The following LRP1B variants were observed in gnomAD, a reference collection of about 807,000 sequenced individuals.
LRP1B encodes the protein LDL receptor related protein 1B.
LRP1B carries 217 observed loss-of-function variants against 556.6 expected under a neutral mutation model. That is an observed-to-expected ratio of 0.39 (90% CI 0.35 to 0.44). The LOEUF (loss-of-function observed/expected upper bound fraction) is 0.44, where lower values mean the gene tolerates loss of function less well. Ranked by LOEUF, LRP1B falls within the 20% of genes least tolerant of loss-of-function variation. The pLI, the probability that LRP1B is intolerant of heterozygous loss-of-function variation, is 1.00. For synonymous variants in LRP1B, 2,047 were observed against 1,865.8 expected, an observed-to-expected ratio of 1.10 and a Z score of -2.50; for missense variants, 5,053 against 5,620.8, an observed-to-expected ratio of 0.90 and a Z score of 3.23.
intron 1 of LRP1B, among the ~76,000 whole-genome samples, chr2:141,815,171 T>C (rs1696493280): frequency 6.6e-6 from 1 of 151,998 alleles, no homozygotes; most frequent in South Asian, 2.1e-4. Flanking sequence ...GAATAAGAAC[T>C]GAAACAATAG....
intron 3 of LRP1B, among the ~76,000 whole-genome samples, chr2:141,442,673 C>A (rs137985802): frequency 6.6e-6 from 1 of 151,942 alleles, no homozygotes; most frequent in South Asian, 2.1e-4. Context: ...AGTGAGAACA[C>A]GCGGTGTTTG....
At chr2:141,119,368 G>A (rs1031314358) in intron 7 of LRP1B, among the ~76,000 whole-genome samples, 1 of 151,670 alleles carries the variant, frequency 6.6e-6, no homozygotes, top group Non-Finnish European at 1.5e-5. Context: ...TTTATTTAGG[G>A]GTCTCTATGC....
chr2:141,892,217 A>T (rs10460251), intron 1 of LRP1B, among the ~76,000 whole-genome samples: 117,362 of 151,520 alleles, frequency 0.77, 47,732 homozygotes, highest in East Asian at 1. Flanking sequence ...CAAGAAAAAA[A>T]ATATAGACTC....
chr2:140,648,270 C>T (rs930991615), intron 41 of LRP1B, among the ~76,000 whole-genome samples: 1 of 151,602 alleles, frequency 6.6e-6, no homozygotes, highest in African/African-American at 2.4e-5. Flanking sequence ...TGGGGAACGT[C>T]ACACACCGGG....
intron 7 of LRP1B, among the ~76,000 whole-genome samples, chr2:141,164,404 A>G (rs1318677342): frequency 1.3e-5 from 2 of 152,128 alleles, no homozygotes; most frequent in African/African-American, 4.8e-5. Flanking sequence ...ATAAAAAACT[A>G]GCAAACATAT....
At chr2:141,189,731 A>T (rs1681418884) in intron 6 of LRP1B, among the ~76,000 whole-genome samples, 1 of 152,004 alleles carries the variant, frequency 6.6e-6, no homozygotes, top group African/African-American at 2.4e-5. Flanking sequence ...GGAAAATTGA[A>T]TTTTTATCAT....
chr2:140,569,345 T>C (rs1306126621), intron 43 of LRP1B, among the ~76,000 whole-genome samples: 1 of 151,816 alleles, frequency 6.6e-6, no homozygotes, highest in Non-Finnish European at 1.5e-5. Context: ...AAGACAAACA[T>C]AGACTGAAAG....
intron 7 of LRP1B, among the ~76,000 whole-genome samples, chr2:141,137,480 T>C (rs1026155358): frequency 5.3e-5 from 8 of 151,954 alleles, no homozygotes; most frequent in African/African-American, 1.7e-4. Context: ...TATTGAAAGA[T>C]TGAAGTTAAA....
chr2:141,240,062 A>G (rs1319167329), intron 5 of LRP1B, among the ~76,000 whole-genome samples: 1 of 152,112 alleles, frequency 6.6e-6, no homozygotes. Context: ...GGTGGGGATT[A>G]TCTTTTGTGG....
chr2:141,522,076 C>T (rs1010928727), intron 2 of LRP1B, among the ~76,000 whole-genome samples: 2 of 152,094 alleles, frequency 1.3e-5, no homozygotes, highest in African/African-American at 4.8e-5. Flanking sequence ...AATCAGAGGT[C>T]CACAAAGTGT....
intron 5 of LRP1B, among the ~76,000 whole-genome samples, chr2:141,241,005 G>A (rs189609509): frequency 6.6e-4 from 100 of 152,172 alleles, no homozygotes; most frequent in African/African-American, 2.4e-3. Flanking sequence ...GCTAGACTGT[G>A]AAGATGATAT....
At chr2:141,682,743 T>C (rs1659057826) in intron 2 of LRP1B, among the ~76,000 whole-genome samples, 1 of 152,182 alleles carries the variant, frequency 6.6e-6, no homozygotes. Context: ...TAGTGGAATA[T>C]GGAACAAAAG....
At chr2:141,741,912 TCTC>T (rs1383685612) in intron 2 of LRP1B, among the ~76,000 whole-genome samples, 1 of 152,208 alleles carries the variant, frequency 6.6e-6, no homozygotes, top group African/African-American at 2.4e-5. Context: ...CTTTCAGTAG[TCTC>T]ATGGTTTGAG....
chr2:142,089,331 C>T (rs1210742802), intron 1 of LRP1B, among the ~76,000 whole-genome samples: 2 of 152,024 alleles, frequency 1.3e-5, no homozygotes, highest in Non-Finnish European at 1.5e-5. Context: ...ATGCATAAGA[C>T]AAACATAACT....
At chr2:141,899,143 C>A (rs993281516) in intron 1 of LRP1B, among the ~76,000 whole-genome samples, 1 of 152,046 alleles carries the variant, frequency 6.6e-6, no homozygotes, top group African/African-American at 2.4e-5. Flanking sequence ...GTGAGGGTGG[C>A]AGTGGAAAGA....
chr2:141,575,142 T>C (rs1162290928), intron 2 of LRP1B, among the ~76,000 whole-genome samples: 4 of 152,068 alleles, frequency 2.6e-5, no homozygotes, highest in African/African-American at 9.7e-5. Context: ...AAGAAGACCC[T>C]GTATAGCCAA....
intron 6 of LRP1B, among the ~76,000 whole-genome samples, chr2:141,195,306 C>G (rs1681706069): frequency 6.6e-6 from 1 of 152,086 alleles, no homozygotes; most frequent in African/African-American, 2.4e-5. Context: ...GGAAGCCAGT[C>G]TTTTAGCTCC....
chr2:141,399,723 CTG>C (rs1479366967), intron 3 of LRP1B, among the ~76,000 whole-genome samples: 4 of 152,210 alleles, frequency 2.6e-5, no homozygotes, highest in African/African-American at 9.7e-5. Flanking sequence ...GAAGTAGACA[CTG>C]TCATTGTCCT....
intron 85 of LRP1B, among the ~76,000 whole-genome samples, chr2:140,272,243 G>C (rs555546881): frequency 2.5e-5 from 3 of 118,152 alleles, no homozygotes; most frequent in Admixed American, 9.9e-5. Flanking sequence ...GGCATTCAGC[G>C]TATGTGCACA....
Sources: gnomAD v4.1 joint callset for allele counts (sites outside exome capture counted in the v4.1 genomes callset) on GRCh38, gnomAD v4.1.1 for gene constraint, MANE v1.5 for transcripts, NCBI Gene and HGNC (gene_info 2026-07-23, HGNC 2026-07-21) for gene names.